SLC24A2: variants seen among roughly 807,000 people sequenced by gnomAD.
The protein encoded by SLC24A2 is sodium/potassium/calcium exchanger 2.
SLC24A2 carries 36 observed loss-of-function variants against 62.0 expected under a neutral mutation model. The observed-to-expected ratio is 0.58, with a 90% CI of 0.44 to 0.77. The LOEUF (loss-of-function observed/expected upper bound fraction) is 0.77. Among genes scored for constraint, SLC24A2 ranks in the 30% least tolerant of loss-of-function variants. SLC24A2 has a pLI of 0.00. For synonymous variants in SLC24A2, 358 were observed against 294.0 expected, an observed-to-expected ratio of 1.22 and a Z score of -2.23; for missense variants, 846 against 817.9, an observed-to-expected ratio of 1.03 and a Z score of -0.42.
intron 4 of SLC24A2, among the ~76,000 whole-genome samples, chr9:19,614,373 G>C (rs1817710198): frequency 6.6e-6 from 1 of 152,144 alleles, no homozygotes; most frequent in African/African-American, 2.4e-5. Context: ...GCACTGTTCA[G>C]CTATGTTTGA....
At chr9:19,761,649 A>G (rs1822334557) in intron 2 of SLC24A2, among the ~76,000 whole-genome samples, 1 of 151,308 alleles carries the variant, frequency 6.6e-6, no homozygotes, top group African/African-American at 2.4e-5. Context: ...CCATCCCACA[A>G]CAGTCCCATG....
chr9:19,995,211 G>A, the SLC24A2 span, among the ~76,000 whole-genome samples: 7 of 151,576 alleles, frequency 4.6e-5, 1 homozygote, highest in East Asian at 3.9e-4. Context: ...TCTTTCACGC[G>A]TATCTTTTAG....
chr9:20,259,371 C>T, the SLC24A2 span, among the ~76,000 whole-genome samples: 2 of 152,182 alleles, frequency 1.3e-5, no homozygotes, highest in Non-Finnish European at 2.9e-5. Flanking sequence ...GATAAAATCA[C>T]ATCACCCCAG....
chr9:19,566,506 T>C (rs1027166070), intron 7 of SLC24A2, among the ~76,000 whole-genome samples: 9 of 151,604 alleles, frequency 5.9e-5, no homozygotes, highest in African/African-American at 1.5e-4. Flanking sequence ...ACTTTTACAC[T>C]GTTGGTGGGA....
At chr9:20,269,197 T>C in the SLC24A2 span, among the ~76,000 whole-genome samples, 1 of 152,134 alleles carries the variant, frequency 6.6e-6, no homozygotes, top group South Asian at 2.1e-4. Context: ...GTCTAGACAC[T>C]CAAAATCTCA....
the SLC24A2 span, among the ~76,000 whole-genome samples, chr9:20,257,726 T>A: frequency 6.6e-6 from 1 of 152,186 alleles, no homozygotes; most frequent in Non-Finnish European, 1.5e-5. Flanking sequence ...AGTACCCAAT[T>A]TATCAGTTTG....
At chr9:20,186,316 T>C in the SLC24A2 span, among the ~76,000 whole-genome samples, 3 of 152,184 alleles carry the variant, frequency 2.0e-5, no homozygotes, top group African/African-American at 7.2e-5. Flanking sequence ...AACCTGCTTA[T>C]CTCTGAACAC....
chr9:19,902,195 T>C, the SLC24A2 span, among the ~76,000 whole-genome samples: 1 of 152,208 alleles, frequency 6.6e-6, no homozygotes. Flanking sequence ...GAGACGTGTC[T>C]CACCTCCTGT....
At chr9:19,785,499 C>T (rs1251337927) in intron 2 of SLC24A2, among the ~76,000 whole-genome samples, 1 of 152,202 alleles carries the variant, frequency 6.6e-6, no homozygotes, top group African/African-American at 2.4e-5. Context: ...AAACTTTCTT[C>T]CTCAGACATC....
the SLC24A2 span, among the ~76,000 whole-genome samples, chr9:19,989,141 A>G: frequency 8.5e-5 from 13 of 152,160 alleles, no homozygotes; most frequent in Non-Finnish European, 1.8e-4. Flanking sequence ...ATGTATTTAC[A>G]TTATTCCATG....
At chr9:19,922,169 C>A in the SLC24A2 span, among the ~76,000 whole-genome samples, 2 of 152,176 alleles carry the variant, frequency 1.3e-5, no homozygotes, top group African/African-American at 4.8e-5. Context: ...CCTAAAGATT[C>A]TGAAAGTGGA....
the SLC24A2 span, among the ~76,000 whole-genome samples, chr9:20,269,930 C>T: frequency 6.6e-5 from 10 of 152,140 alleles, no homozygotes; most frequent in African/African-American, 2.4e-4. Flanking sequence ...TTATTTAGCT[C>T]ACAGTTCTGC....
intron 2 of SLC24A2, among the ~76,000 whole-genome samples, chr9:19,678,196 G>A (rs1193933738): frequency 1.3e-5 from 2 of 152,158 alleles, no homozygotes; most frequent in South Asian, 2.1e-4. Flanking sequence ...GCTTAATAAC[G>A]GAAGCCCTCC....
rs376244858 is a variant in SLC24A2 at position 19,779,986 on chromosome 9, C to T, written c.930+5951G>A. ...CTGAGGCAGGAGAATGGCGTGAACC[C>T]GGGAGGTGGAGCTTGCAAGTGAGCC... is the stretch of plus-strand genomic sequence containing the variant. On this transcript the variant is annotated intron_variant, in intron 2 of 10. Coordinates refer to ENST00000341998, the MANE Select transcript of SLC24A2 (RefSeq NM_020344.4). 6.2e-3 allele frequency among the ~76,000 whole-genome samples: 941 copies of T among 152,062 alleles called. 10 individuals carry two copies. Among genetic ancestry groups the T allele is most frequent in the African/African-American group, 0.021 (878 of 41,538 alleles).
intron 2 of SLC24A2, among the ~76,000 whole-genome samples, chr9:19,670,607 GATTAC>G (rs1362486483): frequency 2.0e-5 from 3 of 152,154 alleles, no homozygotes; most frequent in Non-Finnish European, 4.4e-5. Flanking sequence ...GATACAGAGA[GATTAC>G]ATTATTTGTC....
At chr9:19,564,191 T>C (rs1311442806) in intron 7 of SLC24A2, among the ~76,000 whole-genome samples, 1 of 150,534 alleles carries the variant, frequency 6.6e-6, no homozygotes, top group Non-Finnish European at 1.5e-5. Context: ...CTCAGAGAAC[T>C]AAATTTAATA....
At chr9:20,238,120 C>G in the SLC24A2 span, among the ~76,000 whole-genome samples, 25 of 152,124 alleles carry the variant, frequency 1.6e-4, no homozygotes, top group Non-Finnish European at 2.5e-4. Flanking sequence ...AAGGAAAAGC[C>G]CAGGTCTGTT....
the SLC24A2 span, among the ~76,000 whole-genome samples, chr9:20,060,520 C>T: frequency 2.6e-5 from 4 of 151,812 alleles, no homozygotes; most frequent in South Asian, 2.1e-4. Context: ...TTTTATACAC[C>T]GTTGTAAAGT....
At position 19,575,953 on chromosome 9, in the gene SLC24A2, C is replaced by G. The variant is rs184824115; in HGVS notation, c.1228+971G>C. Among the ~76,000 whole-genome samples, 8 of 138,732 alleles carry G rather than the reference C, an allele frequency of 5.8e-5. 1 individual carries two copies. Among genetic ancestry groups the G allele is most frequent in the Admixed American group, 4.8e-4 (7 of 14,510 alleles). The allele number at this position is 138,732 out of a possible 152,430, so 91.0% of individuals were successfully genotyped here. On this transcript the variant is annotated intron_variant, in intron 6 of 10. Coordinates refer to ENST00000341998, the MANE Select transcript of SLC24A2 (RefSeq NM_020344.4). ...CTTATTCTGAAAAACTTTATAGAAG[C>G]ATAAAGAAGCAGAAAAATATATATA...
Sources: allele counts gnomAD v4.1 joint callset (sites outside exome capture counted in the v4.1 genomes callset), GRCh38; gene constraint gnomAD v4.1.1; transcripts MANE v1.5; gene names NCBI Gene and HGNC (gene_info 2026-07-23, HGNC 2026-07-21).